The following MAGI2 variants were observed in gnomAD, a reference collection of about 807,000 sequenced individuals.
MAGI2 encodes the protein membrane associated guanylate kinase, WW and PDZ domain containing 2.
In MAGI2, 35 loss-of-function variants were observed where a neutral mutation model predicts 133.3. The observed-to-expected ratio is 0.26, with a 90% CI of 0.20 to 0.35. MAGI2 has a LOEUF of 0.35. MAGI2 is among the 10% of genes least tolerant of loss of function. The pLI, the probability that MAGI2 is intolerant of heterozygous loss-of-function variation, is 1.00. For missense variants in MAGI2, 1,636 were observed against 1,863.4 expected (o/e 0.88, Z 2.25); for synonymous variants, 729 against 710.6 (o/e 1.03, Z -0.41).
chr7:78,639,377 A>G (rs1218697176), intron 2 of MAGI2, among the ~76,000 whole-genome samples: 2 of 152,166 alleles, frequency 1.3e-5, no homozygotes, highest in Non-Finnish European at 2.9e-5. Context: ...AAGTACACAC[A>G]TACCAAATTA....
At position 78,162,762 on chromosome 7, in the gene MAGI2, T is replaced by A. The variant is rs575283946; in HGVS notation, c.2597-2489A>T. On this transcript the variant is annotated intron_variant, in intron 15 of 21. Transcript: ENST00000354212. ...TTTATCTTTAGCCAAATGAGCATAT[T>A]TAAAATCAGGAAGTTAAGAAGACTT... Among the ~76,000 whole-genome samples, 21 of 152,220 alleles carry A rather than the reference T, an allele frequency of 1.4e-4. No individual in the cohort carries two copies. In the East Asian group the frequency reaches 3.1e-3, roughly 22 times the overall value.
chr7:79,312,418 C>G (rs760135549), intron 1 of MAGI2, among the ~76,000 whole-genome samples: 7 of 152,148 alleles, frequency 4.6e-5, no homozygotes, highest in Non-Finnish European at 8.8e-5. Flanking sequence ...AATGCTTCCC[C>G]TGGGAACCTT....
rs1808062179 is a variant in MAGI2, at chr7:78,019,399, G to T, written c.4284C>A (p.Ala1428=). The stretch of plus-strand genomic sequence containing the variant: ...GCACCTTCCAGGGCCCCGGCGCGAC[G>T]GCGGCCTTGCGCGCCGGGGCGCCCC... ...PPGGAPARKA[A]VAPGPWKVPG... Residue 1428 remains alanine (A), a synonymous_variant, in exon 22 of 22, where the codon GCC becomes GCA. Transcript: ENST00000354212. 5.8e-6 allele frequency: 7 copies of T among 1,203,698 alleles called. No homozygotes were observed. Among genetic ancestry groups the T allele is most frequent in the African/African-American group, 1.6e-5 (1 of 62,372 alleles). The allele number at this position is 1,203,698 out of a possible 1,614,324, so 74.6% of individuals were successfully genotyped here.
chr7:78,462,650 G>A (rs2160322), intron 6 of MAGI2, among the ~76,000 whole-genome samples: 1 of 152,052 alleles, frequency 6.6e-6, no homozygotes, highest in Admixed American at 6.5e-5. Context: ...AACCTTTTTC[G>A]CAAAATGTAA....
rs542838358 is a variant in MAGI2, at chr7:79,095,524, C to A, written c.302-88318G>T. ...TTGATTTAAAGTAAGAGACATGTGA[C>A]TCTTCCTTTCACTTGAAAATTACAG... On this transcript the variant is annotated intron_variant, in intron 1 of 21. Transcript: ENST00000354212. 8.5e-5 allele frequency among the ~76,000 whole-genome samples: 13 copies of A among 152,328 alleles called. No individual in the cohort carries two copies. In the South Asian group the frequency reaches 1.9e-3, roughly 22 times the overall value.
At chr7:78,032,946 G>C (rs1809745729) in intron 21 of MAGI2, among the ~76,000 whole-genome samples, 1 of 152,128 alleles carries the variant, frequency 6.6e-6, no homozygotes, top group Admixed American at 6.5e-5. Context: ...CTTCAAGAGA[G>C]AGTCTGGATT....
chr7:78,447,582 C>A (rs1250578359), intron 6 of MAGI2, among the ~76,000 whole-genome samples: 5 of 152,030 alleles, frequency 3.3e-5, no homozygotes, highest in Non-Finnish European at 7.4e-5. Flanking sequence ...GGAAGCATGT[C>A]AGTGACATTT....
At chr7:78,137,178 C>T (rs948323074) in intron 16 of MAGI2, among the ~76,000 whole-genome samples, 1 of 152,024 alleles carries the variant, frequency 6.6e-6, no homozygotes, top group African/African-American at 2.4e-5. Context: ...CCTGTTTTTG[C>T]CCCCTTTCAT....
intron 3 of MAGI2, among the ~76,000 whole-genome samples, chr7:78,544,730 G>A (rs2150680598): frequency 6.6e-6 from 1 of 152,190 alleles, no homozygotes; most frequent in South Asian, 2.1e-4. Context: ...ACTCAATAAA[G>A]TTTGAGGAGT....
intron 6 of MAGI2, among the ~76,000 whole-genome samples, chr7:78,405,332 G>A (rs193102689): frequency 1.3e-5 from 2 of 152,188 alleles, no homozygotes; most frequent in African/African-American, 4.8e-5. Flanking sequence ...TAAAATCAAT[G>A]AGTTAGGCAC....
At chr7:78,347,200 C>A (rs1584953557) in intron 7 of MAGI2, 1 of 152,330 alleles carries the variant, frequency 6.6e-6, no homozygotes, top group East Asian at 1.9e-4. Flanking sequence ...TGTGTATACA[C>A]CCTGCACGTC....
At chr7:78,890,130 A>G (rs1316755389) in intron 2 of MAGI2, among the ~76,000 whole-genome samples, 1 of 152,218 alleles carries the variant, frequency 6.6e-6, no homozygotes, top group Non-Finnish European at 1.5e-5. Flanking sequence ...GAGACAAAGA[A>G]GGCCATTACA....
At chr7:78,501,053 A>G (rs1388497944) in intron 5 of MAGI2, among the ~76,000 whole-genome samples, 1 of 152,216 alleles carries the variant, frequency 6.6e-6, no homozygotes, top group Non-Finnish European at 1.5e-5. Flanking sequence ...GTGCCACTGC[A>G]TTCTAGCCTG....
At chr7:78,606,159 C>A (rs1337813624) in intron 3 of MAGI2, among the ~76,000 whole-genome samples, 1 of 151,998 alleles carries the variant, frequency 6.6e-6, no homozygotes, top group Non-Finnish European at 1.5e-5. Flanking sequence ...CTTGGGTGTA[C>A]AGGAGGGACA....
At chr7:78,970,207 T>C (rs1354971906) in intron 2 of MAGI2, among the ~76,000 whole-genome samples, 1 of 152,118 alleles carries the variant, frequency 6.6e-6, no homozygotes, top group Non-Finnish European at 1.5e-5. Context: ...TACACATATA[T>C]GAGGGTTATA....
At chr7:78,166,019 G>A (rs3807683) in intron 15 of MAGI2, among the ~76,000 whole-genome samples, 15,069 of 152,178 alleles carry the variant, frequency 0.099, 814 homozygotes, top group East Asian at 0.19. Flanking sequence ...TGGTGTGAAC[G>A]AGCAATCTGC....
chr7:78,425,416 G>C lies in MAGI2; in HGVS notation c.1046-56203C>G, dbSNP rs183955003. ...AGCAGCATGAAAACAGACTAATACA[G>C]TTCAGTTCAAATGGAAAGATATGGA... is the stretch of plus-strand genomic sequence containing the variant. On this transcript the variant is annotated intron_variant, in intron 6 of 21. Transcript: ENST00000354212. Among the ~76,000 whole-genome samples, 726 of 152,240 alleles carry C rather than the reference G, an allele frequency of 4.8e-3. 1 individual carries two copies. The highest frequency in any genetic ancestry group is 8.0e-3 in the Non-Finnish European group (541 of 68,006).
chr7:78,212,036 T>A (rs773900100), intron 10 of MAGI2, among the ~76,000 whole-genome samples: 9 of 152,256 alleles, frequency 5.9e-5, no homozygotes, highest in Non-Finnish European at 1.0e-4. Flanking sequence ...TTTTATGAAT[T>A]GCTTCTAACT....
At chr7:78,237,093 G>A (rs941217799) in intron 10 of MAGI2, among the ~76,000 whole-genome samples, 2 of 152,102 alleles carry the variant, frequency 1.3e-5, no homozygotes, top group African/African-American at 4.8e-5. Flanking sequence ...AGATTTGGGT[G>A]GGGACACAGC....
Sources: gnomAD v4.1 joint callset for allele counts (sites outside exome capture counted in the v4.1 genomes callset) on GRCh38, gnomAD v4.1.1 for gene constraint, MANE v1.5 for transcripts, NCBI Gene and HGNC (gene_info 2026-07-23, HGNC 2026-07-21) for gene names.